Variants in SNRPA1 observed in about 807,000 individuals in gnomAD.
SNRPA1 encodes small nuclear ribonucleoprotein polypeptide A'.
In SNRPA1, 5 loss-of-function variants were observed where a neutral mutation model predicts 32.3. That is an observed-to-expected ratio of 0.15 (90% CI 0.08 to 0.33). The LOEUF (loss-of-function observed/expected upper bound fraction) is 0.33. SNRPA1 is among the 10% of genes least tolerant of loss of function. The pLI is 1.00. For synonymous variants in SNRPA1, 111 were observed against 120.1 expected (o/e 0.92, Z 0.50); for missense variants, 198 against 311.1 (o/e 0.64, Z 2.74).
chr15:101,294,713 T>C (rs2039567469), intron 1 of SNRPA1: 1 of 232,946 alleles, frequency 4.3e-6, no homozygotes, highest in African/African-American at 2.2e-5. Context: ...AAATATCATC[T>C]GGCGGCAAGT....
chr15:101,287,290 T>C (rs2039466868), intron 4 of SNRPA1, among the ~76,000 whole-genome samples: 1 of 152,186 alleles, frequency 6.6e-6, no homozygotes, highest in Admixed American at 6.5e-5. Flanking sequence ...ACCCATTAAC[T>C]TGTCATTTAC....
At chr15:101,284,806 A>C (rs1567123983) in intron 8 of SNRPA1, 161 bp downstream of exon 8, 15 of 606,610 alleles carry the variant, frequency 2.5e-5, no homozygotes, top group Non-Finnish European at 3.9e-5. Flanking sequence ...CCAACCCATC[A>C]AATACTTTAT....
At chr15:101,292,919 AAAAG>A (rs2039543512) in intron 2 of SNRPA1, 102 bp downstream of exon 2, 4 of 616,212 alleles carry the variant, frequency 6.5e-6, no homozygotes, top group South Asian at 1.2e-4. Context: ...AAGAAAAAGA[AAAAG>A]AAACATGTAG....
At chr15:101,290,441 T>G (rs1490594316) in intron 3 of SNRPA1, among the ~76,000 whole-genome samples, 1 of 152,198 alleles carries the variant, frequency 6.6e-6, no homozygotes, top group African/African-American at 2.4e-5. Context: ...TGCTGTCTTA[T>G]GTTTGTAGTC....
chr15:101,283,210 C>G (rs1364390001), intron 8 of SNRPA1, among the ~76,000 whole-genome samples: 1 of 152,146 alleles, frequency 6.6e-6, no homozygotes, highest in Non-Finnish European at 1.5e-5. Flanking sequence ...TCCATCAGTG[C>G]AAATGTTCAT....
intron 2 of SNRPA1, chr15:101,292,774 T>C (rs1261179756): frequency 3.6e-6 from 1 of 279,268 alleles, no homozygotes; most frequent in Non-Finnish European, 6.6e-6. Flanking sequence ...CAAGTAAGAC[T>C]AGACTAATGC....
In SNRPA1 at chr15:101,295,210, A is replaced by G; in HGVS notation, c.-32T>C. 2.0e-6 allele frequency: 3 copies of G among 1,504,990 alleles called. No individual in the cohort carries two copies. The highest frequency in any genetic ancestry group is 1.5e-5 in the African/African-American group (1 of 68,928). The allele number at this position is 1,504,990 out of a possible 1,614,324, so 93.2% of individuals were successfully genotyped here. A position where few individuals can be genotyped will look rare whatever the true frequency, so the allele number is the denominator to read the frequency against. On this transcript the variant is annotated 5_prime_UTR_variant, in exon 1 of 9. Transcript: ENST00000254193. ...GCCTCCCGTTCCCCCGCGCTGTGGA[A>G]AGCCCGTGGCCTCCCGCCAGCGAGA...
chr15:101,291,887 T>C (rs1331118482), intron 3 of SNRPA1, 75 bp downstream of exon 3: 7 of 894,352 alleles, frequency 7.8e-6, no homozygotes, highest in Admixed American at 4.4e-5. Flanking sequence ...TTCTAGATTT[T>C]GTAAATTTTC....
intron 1 of SNRPA1, 95 bp downstream of exon 1, chr15:101,295,002 G>A (rs1258923694): frequency 3.8e-6 from 3 of 786,348 alleles, no homozygotes; most frequent in Non-Finnish European, 5.6e-6. Flanking sequence ...CCGGCCCGCG[G>A]GCCAAGCTCC....
At chr15:101,288,982 G>C (rs1448341757) in intron 3 of SNRPA1, among the ~76,000 whole-genome samples, 1 of 152,150 alleles carries the variant, frequency 6.6e-6, no homozygotes, top group East Asian at 1.9e-4. Context: ...TGGGGAAGGG[G>C]TGTGTGTGTG....
intron 3 of SNRPA1, 32 bp downstream of exon 3, chr15:101,291,930 C>T: frequency 1.4e-6 from 2 of 1,433,708 alleles, no homozygotes; most frequent in East Asian, 2.3e-5. Flanking sequence ...TAACCCCACC[C>T]ACCAAATACA....
Position 101,295,232 on chromosome 15 carries a change from G to A in SNRPA1, c.-54C>T. 2.1e-6 allele frequency: 3 copies of A among 1,434,220 alleles called. No homozygotes were observed. Among genetic ancestry groups the A allele is most frequent in the South Asian group, 1.3e-5 (1 of 74,886 alleles). 88.8% of individuals were successfully genotyped at this position (1,434,220 alleles called of 1,614,324 possible). ...GGAAAGCCCGTGGCCTCCCGCCAGC[G>A]AGACGTCCCAGCGTGCCCCGCGCCC... On this transcript the variant is annotated 5_prime_UTR_variant, in exon 1 of 9. Transcript: ENST00000254193.
intron 8 of SNRPA1, among the ~76,000 whole-genome samples, chr15:101,284,025 A>T (rs2039426568): frequency 6.6e-6 from 1 of 152,258 alleles, no homozygotes; most frequent in South Asian, 2.1e-4. Flanking sequence ...CGGCAGTCTG[A>T]GTGGCTGTCC....
Position 101,295,097 on chromosome 15 carries a change from C to T in SNRPA1, c.82G>A (p.Gly28Arg). ...TGGCCGCCCACGCCCCCGGACTCACCCCGGAGGTCCAGCTCCCGGTCGCGC... is the reference window on the plus strand; with the variant it reads ...TGGCCGCCCACGCCCCCGGACTCACTCCGGAGGTCCAGCTCCCGGTCGCGC... ...AVRDRELDLRGYKIPVIENLG... is the reference protein window; with the variant it reads ...AVRDRELDLRRYKIPVIENLG... Residue 28 changes from glycine to arginine, a missense_variant and splice_region_variant, in exon 1 of 9, where the codon GGG (glycine) becomes AGG (arginine). Physicochemically the swap from Gly to Arg is moderately radical, Grantham distance 125. Transcript: ENST00000254193. The T allele has an allele frequency of 4.6e-6, 7 of 1,523,390 alleles. No individual in the cohort carries two copies. The highest frequency in any genetic ancestry group is 5.3e-6 in the Non-Finnish European group (6 of 1,137,798). The allele number at this position is 1,523,390 out of a possible 1,614,324, so 94.4% of individuals were successfully genotyped here.
At chr15:101,286,477 A>C in intron 5 of SNRPA1, 184 bp from the exon 6 acceptor site, 1 of 533,602 alleles carries the variant, frequency 1.9e-6, no homozygotes, top group Non-Finnish European at 3.3e-6. Flanking sequence ...TCCCTGAAGA[A>C]AGTTCATTCT....
At chr15:101,283,888 C>T (rs28525314) in intron 8 of SNRPA1, among the ~76,000 whole-genome samples, 9,556 of 152,270 alleles carry the variant, frequency 0.063, 929 homozygotes, top group African/African-American at 0.2. Flanking sequence ...TGGCGTGAGC[C>T]GAGATCGCGC....
chr15:101,287,745 C>T, intron 3 of SNRPA1, 43 bp from the exon 4 acceptor site: 2 of 1,573,986 alleles, frequency 1.3e-6, no homozygotes, highest in Non-Finnish European at 1.7e-6. Context: ...ATACCACACG[C>T]TATTTTGAGA....
intron 5 of SNRPA1, chr15:101,286,560 T>G: frequency 4.1e-6 from 2 of 483,956 alleles, no homozygotes; most frequent in Non-Finnish European, 7.3e-6. Context: ...GAATTCCTAA[T>G]AAAGGGAAAA....
At chr15:101,283,151 C>G (rs2039415377) in intron 8 of SNRPA1, among the ~76,000 whole-genome samples, 1 of 152,200 alleles carries the variant, frequency 6.6e-6, no homozygotes, top group Non-Finnish European at 1.5e-5. Context: ...ATTATTTAGG[C>G]TGCTGCCTTG....
Sources: allele counts gnomAD v4.1 joint callset (sites outside exome capture counted in the v4.1 genomes callset), GRCh38; gene constraint gnomAD v4.1.1; transcripts MANE v1.5; gene names NCBI Gene and HGNC (gene_info 2026-07-23, HGNC 2026-07-21).